Variants in DPH7 observed in about 807,000 individuals in gnomAD.
DPH7 encodes the protein diphthine methyltransferase.
DPH7 carries 44 observed loss-of-function variants against 41.7 expected under a neutral mutation model. The observed-to-expected ratio is 1.05, with a 90% CI of 0.83 to 1.36. The LOEUF is 1.36. Ranked by LOEUF, DPH7 falls within the 40% of genes most tolerant of loss-of-function variation. The pLI is 0.00. For missense variants in DPH7, 629 were observed against 577.5 expected (o/e 1.09, Z -0.91); for synonymous variants, 275 against 238.0 (o/e 1.16, Z -1.43).
chr9:137,558,064 A>C (rs1413593478), intron 8 of DPH7, among the ~76,000 whole-genome samples: 1 of 152,126 alleles, frequency 6.6e-6, no homozygotes, highest in Non-Finnish European at 1.5e-5. Flanking sequence ...TGAACCCGGA[A>C]GGTGGGAGTT....
At chr9:137,573,653 A>T (rs1840857646) in intron 5 of DPH7, among the ~76,000 whole-genome samples, 1 of 130,432 alleles carries the variant, frequency 7.7e-6, no homozygotes, top group South Asian at 2.7e-4. Context: ...ACTGCACTCC[A>T]GCCTGGGCAA....
chr9:137,557,636 T>C (rs149493749), intron 8 of DPH7, among the ~76,000 whole-genome samples: 2,490 of 151,468 alleles, frequency 0.016, 71 homozygotes, highest in African/African-American at 0.056. Context: ...CTGGGAAACA[T>C]GGTGAAACCC....
chr9:137,570,972 T>C (rs1840331445), intron 5 of DPH7, among the ~76,000 whole-genome samples: 1 of 152,160 alleles, frequency 6.6e-6, no homozygotes, highest in Non-Finnish European at 1.5e-5. Context: ...CGCCACAGAA[T>C]GTAAGCTGGG....
At chr9:137,571,105 C>A (rs1840351897) in intron 5 of DPH7, among the ~76,000 whole-genome samples, 1 of 152,114 alleles carries the variant, frequency 6.6e-6, no homozygotes, top group Non-Finnish European at 1.5e-5. Flanking sequence ...CTGCCGTGAC[C>A]TGTGGTCACG....
chr9:137,561,183 G>A (rs1838512549), intron 8 of DPH7, among the ~76,000 whole-genome samples: 1 of 152,106 alleles, frequency 6.6e-6, no homozygotes, highest in African/African-American at 2.4e-5. Flanking sequence ...ATCCCAAAGA[G>A]GAAAATAGTA....
At chr9:137,560,685 TCTA>T (rs1838371289) in intron 8 of DPH7, among the ~76,000 whole-genome samples, 1 of 152,088 alleles carries the variant, frequency 6.6e-6, no homozygotes, top group Non-Finnish European at 1.5e-5. Context: ...AAACCCCGTC[TCTA>T]CTAAAAATAC....
intron 8 of DPH7, among the ~76,000 whole-genome samples, chr9:137,557,963 C>T (rs1248998087): frequency 2.0e-5 from 3 of 152,100 alleles, no homozygotes; most frequent in East Asian, 1.9e-4. Flanking sequence ...GGTAAAACCT[C>T]GTCTCTACTA....
At chr9:137,561,084 C>A (rs1358425157) in intron 8 of DPH7, among the ~76,000 whole-genome samples, 1 of 149,638 alleles carries the variant, frequency 6.7e-6, no homozygotes, top group East Asian at 2.0e-4. Context: ...ATAATTTATT[C>A]AAGCACCAAT....
Position 137,564,580 on chromosome 9 carries a change from T to C in DPH7, c.803A>G (p.Asp268Gly). 1 of 1,613,720 alleles carries C rather than the reference T, an allele frequency of 6.2e-7. No homozygotes were observed. The highest frequency in any genetic ancestry group is 8.5e-7 in the Non-Finnish European group (1 of 1,179,684). ...CAACGGCTGCTTCATGTTTCGTGTG[T>C]CCCACAGTAGGATGTGTTCATCATA... ...GSYDEHILLW[D>G]TRNMKQPLAD... Residue 268 changes from aspartate (D) to glycine (G), a missense_variant, in exon 8 of 9, where the codon GAC (aspartate) becomes GGC (glycine). Coordinates refer to ENST00000277540, the MANE Select transcript of DPH7 (RefSeq NM_138778.5).
Position 137,578,708 on chromosome 9 carries a change from G to T in DPH7, c.70C>A (p.Leu24Met), listed in dbSNP as rs1841887551. Residue 24 changes from leucine to methionine, a missense_variant, in exon 1 of 9, where the codon CTG (leucine) becomes ATG (methionine). Coordinates refer to ENST00000277540, the MANE Select transcript of DPH7 (RefSeq NM_138778.5). ...LTADSVEWCP[L>M]QGCRHLLACG... ...GCCAGCAGGTGCCTGCAGCCTTGCA[G>T]CGGGCACCACTCCACCGAGTCCGCG... The T allele has an allele frequency of 6.5e-7, 1 of 1,533,152 alleles. No individual in the cohort carries two copies. Among genetic ancestry groups the T allele is most frequent in the South Asian group, 1.2e-5 (1 of 82,458 alleles). The allele number at this position is 1,533,152 out of a possible 1,614,324, so 95.0% of individuals were successfully genotyped here.
chr9:137,563,909 T>C (rs992508224), intron 8 of DPH7, among the ~76,000 whole-genome samples: 15 of 152,300 alleles, frequency 9.8e-5, no homozygotes, highest in Admixed American at 5.2e-4. Flanking sequence ...AGGGACCTAC[T>C]AGAACACAAC....
intron 3 of DPH7, chr9:137,575,660 T>C (rs1257539352): frequency 3.9e-6 from 4 of 1,016,472 alleles, no homozygotes; most frequent in East Asian, 1.8e-4. Flanking sequence ...TGTTAATGCA[T>C]GGCTCCAGAG....
At chr9:137,565,179 A>C in intron 5 of DPH7, 25 bp from the exon 6 acceptor site, 2 of 1,612,344 alleles carry the variant, frequency 1.2e-6, no homozygotes, top group South Asian at 1.1e-5. Context: ...AGAAGCATCA[A>C]CACCACTAAT....
intron 5 of DPH7, among the ~76,000 whole-genome samples, chr9:137,571,786 C>T (rs1840481651): frequency 6.6e-6 from 1 of 152,006 alleles, no homozygotes; most frequent in Admixed American, 6.6e-5. Flanking sequence ...GAAACTCCAT[C>T]TCAAAATAAA....
In DPH7 at chr9:137,565,152, C is replaced by T. The variant is rs181644541; in HGVS notation, c.643G>A (p.Gly215Ser). 1 of 1,614,014 alleles carries T rather than the reference C, an allele frequency of 6.2e-7. No homozygotes were observed. The change falls in exon 6 of 9, where the codon GGC (glycine) becomes AGC (serine). Residue 215 changes from glycine (G) to serine (S), a missense_variant and splice_region_variant. By Grantham distance (56) the Gly-to-Ser change is moderately conservative. Coordinates refer to ENST00000277540, the MANE Select transcript of DPH7 (RefSeq NM_138778.5). Reference protein sequence around the residue: ...YWHPEIVYSGGDDGLLRGWDT... With the variant: ...YWHPEIVYSGSDDGLLRGWDT... ...CAGCCCCTCAGAAGGCCATCGTCGC[C>T]CCCTGTGTGGAGAAAGAGAAGCATC...
intron 5 of DPH7, among the ~76,000 whole-genome samples, chr9:137,569,057 T>C (rs1242318865): frequency 1.3e-5 from 2 of 152,026 alleles, no homozygotes; most frequent in African/African-American, 4.8e-5. Flanking sequence ...GTTGGTGCAC[T>C]GAACCACAAC....
In DPH7 at chr9:137,574,810, C is replaced by A. The variant is rs564799901; in HGVS notation, c.409G>T (p.Ala137Ser). The change falls in exon 4 of 9, where the codon GCC (alanine) becomes TCC (serine). Residue 137 changes from alanine to serine, a missense_variant. Coordinates refer to ENST00000277540, the MANE Select transcript of DPH7 (RefSeq NM_138778.5). ...SHVLEPLSSL[A>S]LEEQCLALSL... is the part of the protein sequence containing the mutation. ...AAAGCCAGACACTGCTCCTCCAGGG[C>A]AAGGCTGGACAATGGCTCCAGCACG... 1 of 1,614,066 alleles carries A rather than the reference C, an allele frequency of 6.2e-7. No individual in the cohort carries two copies. The highest frequency in any genetic ancestry group is 1.3e-5 in the African/African-American group (1 of 75,040).
intron 5 of DPH7, 69 bp downstream of exon 5, chr9:137,574,139 C>T (rs1365068051): frequency 8.7e-6 from 13 of 1,502,832 alleles, no homozygotes; most frequent in Non-Finnish European, 1.1e-5. Context: ...TGGCACAGGC[C>T]TCCCTCTCTC....
At chr9:137,575,600 T>C in intron 3 of DPH7, 1 of 1,009,020 alleles carries the variant, frequency 9.9e-7, no homozygotes, top group Non-Finnish European at 1.2e-6. Flanking sequence ...ATCACCCCAC[T>C]ACGGGACATC....
Sources: gnomAD v4.1 joint callset for allele counts (sites outside exome capture counted in the v4.1 genomes callset) on GRCh38, gnomAD v4.1.1 for gene constraint, MANE v1.5 for transcripts, NCBI Gene and HGNC (gene_info 2026-07-23, HGNC 2026-07-21) for gene names.